Variants in LARP1 observed in about 807,000 individuals in gnomAD.
The protein encoded by LARP1 is la-related protein 1.
A neutral mutation model predicts 122.7 loss-of-function variants in LARP1; 36 were observed. The observed-to-expected ratio is 0.29, with a 90% CI of 0.22 to 0.39. LARP1 has a LOEUF of 0.39. LARP1 is among the 10% of genes least tolerant of loss of function. LARP1 has a pLI of 1.00. For synonymous variants in LARP1, 539 were observed against 528.7 expected (o/e 1.02, Z -0.27); for missense variants, 1,040 against 1,403.6 (o/e 0.74, Z 4.14).
At chr5:154,752,217 C>CT (rs1368831692), upstream of LARP1, among the ~76,000 whole-genome samples, 1 of 151,946 alleles carries the variant, frequency 6.6e-6, no homozygotes, top group African/African-American at 2.4e-5. Context: ...GGATAAGGAA[C>CT]TTTACTTTTC....
intron 1 of LARP1, among the ~76,000 whole-genome samples, chr5:154,684,486 C>T (rs930671402): frequency 1.2e-4 from 19 of 152,114 alleles, no homozygotes; most frequent in Non-Finnish European, 2.4e-4. Context: ...CTGGATGGAA[C>T]GAACCCAAGA....
chr5:154,739,253 C>A (rs1295400157), intron 1 of LARP1, among the ~76,000 whole-genome samples: 5 of 152,138 alleles, frequency 3.3e-5, no homozygotes, highest in Non-Finnish European at 7.4e-5. Context: ...ATCTCCTGAC[C>A]TCGTGATCCG....
chr5:154,794,149 G>A lies in LARP1; in HGVS notation c.1119G>A (p.Gly373=). The change falls in exon 7 of 19, where the codon GGG becomes GGA. Residue 373 remains glycine (G), a synonymous_variant. Coordinates refer to ENST00000518297, the MANE Select transcript of LARP1 (RefSeq NM_033551.3). ...ACCGAAAGTTTGATGGTGTGGAGGG[G>A]CCTCGTACGCCCAAGTACATGAACA... The part of the protein sequence containing the change: ...FGYRKFDGVE[G]PRTPKYMNNI... The A allele has an allele frequency of 1.2e-6, 2 of 1,614,188 alleles. No individual in the cohort carries two copies. The highest frequency in any genetic ancestry group is 3.3e-5 in the Admixed American group (2 of 60,014).
intron 10 of LARP1, 39 bp downstream of exon 10, chr5:154,800,081 C>T: frequency 6.3e-7 from 1 of 1,594,606 alleles, no homozygotes; most frequent in South Asian, 1.1e-5. Flanking sequence ...TTCTAGCACT[C>T]TGAGCTAGGG....
chr5:154,752,377 G>T (rs2113518587), upstream of LARP1, among the ~76,000 whole-genome samples: 1 of 152,100 alleles, frequency 6.6e-6, no homozygotes, highest in Non-Finnish European at 1.5e-5. Flanking sequence ...TGAGTAGCTT[G>T]GATTACAGGT....
chr5:154,740,182 A>G (rs1413504829), intron 1 of LARP1, among the ~76,000 whole-genome samples: 3 of 151,864 alleles, frequency 2.0e-5, no homozygotes, highest in African/African-American at 4.8e-5. Context: ...ACCTGAGGTC[A>G]GGGGTTCGAG....
intron 1 of LARP1, among the ~76,000 whole-genome samples, chr5:154,719,790 A>G (rs1268413768): frequency 2.0e-5 from 3 of 151,538 alleles, no homozygotes; most frequent in Admixed American, 6.6e-5. Context: ...TGAGGCCAGG[A>G]GGCAGAGGTT....
chr5:154,713,673 A>G (rs1475562579), intron 1 of LARP1, among the ~76,000 whole-genome samples: 2 of 152,184 alleles, frequency 1.3e-5, no homozygotes, highest in Non-Finnish European at 2.9e-5. Flanking sequence ...TGGGGTTTAT[A>G]AGGACACCAG....
chr5:154,734,342 T>C (rs984830287), intron 1 of LARP1, among the ~76,000 whole-genome samples: 29 of 152,204 alleles, frequency 1.9e-4, no homozygotes, highest in Admixed American at 1.9e-3. Flanking sequence ...AGTCAACTTA[T>C]GTCAGTTTTG....
At chr5:154,775,412 G>T (rs1229906783) in intron 1 of LARP1, among the ~76,000 whole-genome samples, 1 of 151,570 alleles carries the variant, frequency 6.6e-6, no homozygotes, top group Non-Finnish European at 1.5e-5. Context: ...AGGATCACCT[G>T]AACCCGGGGA....
chr5:154,761,215 C>T (rs949106467), intron 1 of LARP1, among the ~76,000 whole-genome samples: 1 of 152,174 alleles, frequency 6.6e-6, no homozygotes, highest in African/African-American at 2.4e-5. Context: ...TCCTTTTGCA[C>T]AGGTAGTTTG....
intron 1 of LARP1, among the ~76,000 whole-genome samples, chr5:154,739,108 C>T (rs1234134695): frequency 7.9e-5 from 12 of 152,202 alleles, no homozygotes; most frequent in African/African-American, 1.7e-4. Flanking sequence ...CTCTGCCTCC[C>T]GGGTTCAAGC....
chr5:154,727,008 T>G (rs1241788252), intron 1 of LARP1, among the ~76,000 whole-genome samples: 1 of 152,190 alleles, frequency 6.6e-6, no homozygotes. Flanking sequence ...CATGTGGGGA[T>G]CATTATAATT....
At chr5:154,749,352 G>T (rs1189866269) in intron 1 of LARP1, among the ~76,000 whole-genome samples, 1 of 152,164 alleles carries the variant, frequency 6.6e-6, no homozygotes, top group East Asian at 1.9e-4. Context: ...GGGTGAGTGT[G>T]TTAAAAGTTA....
chr5:154,792,077 A>T, intron 3 of LARP1: 1 of 429,904 alleles, frequency 2.3e-6, no homozygotes. Context: ...TGAGTGAAGT[A>T]GGAGAGTGGT....
intron 15 of LARP1, among the ~76,000 whole-genome samples, chr5:154,807,738 A>G: frequency 6.6e-6 from 1 of 152,104 alleles, no homozygotes; most frequent in Non-Finnish European, 1.5e-5. Context: ...TTTTCTGTAG[A>G]GACAGGGGTC....
At chr5:154,756,344 C>T (rs546283905) in intron 1 of LARP1, 151 bp downstream of exon 1, 4 of 943,768 alleles carry the variant, frequency 4.2e-6, no homozygotes, top group Admixed American at 1.2e-4. Flanking sequence ...TCCTGGTCGC[C>T]GCGCCCTCCC....
intron 1 of LARP1, among the ~76,000 whole-genome samples, chr5:154,740,268 G>C (rs7728194): frequency 0.19 from 28,584 of 151,156 alleles, 3,619 homozygotes; most frequent in African/African-American, 0.36. Context: ...TGGCACATGC[G>C]TGTAATCCCA....
chr5:154,738,385 A>T (rs1055072677), intron 1 of LARP1, among the ~76,000 whole-genome samples: 1 of 152,120 alleles, frequency 6.6e-6, no homozygotes, highest in Non-Finnish European at 1.5e-5. Context: ...TGAGGTCAGG[A>T]GTTCGAGACC....
Sources: allele counts gnomAD v4.1 joint callset (sites outside exome capture counted in the v4.1 genomes callset), GRCh38; gene constraint gnomAD v4.1.1; transcripts MANE v1.5; gene names NCBI Gene and HGNC (gene_info 2026-07-23, HGNC 2026-07-21).